The following NEGR1 variants were observed in gnomAD, a reference collection of about 807,000 sequenced individuals.
NEGR1 encodes the protein IgLON family member 4.
In NEGR1, 10 loss-of-function variants were observed where a neutral mutation model predicts 40.9. The ratio of observed to expected loss-of-function variants is 0.24; its 90% CI spans 0.15 to 0.42. The LOEUF (loss-of-function observed/expected upper bound fraction) is 0.42. Ranked by LOEUF, NEGR1 falls within the 10% of genes least tolerant of loss-of-function variation. The pLI, the probability that NEGR1 is intolerant of heterozygous loss-of-function variation, is 1.00. For synonymous variants in NEGR1, 185 were observed against 166.8 expected (o/e 1.11, Z -0.84); for missense variants, 352 against 438.9 (o/e 0.80, Z 1.77).
chr1:71,459,504 C>T (rs1160721527), intron 6 of NEGR1, among the ~76,000 whole-genome samples: 1 of 152,178 alleles, frequency 6.6e-6, no homozygotes, highest in East Asian at 1.9e-4. Context: ...TGATCTAGTC[C>T]TAACTTATTC....
chr1:71,995,377 A>G (rs1295980168), intron 1 of NEGR1, among the ~76,000 whole-genome samples: 3 of 152,308 alleles, frequency 2.0e-5, no homozygotes, highest in South Asian at 2.1e-4. Context: ...TGATTATACC[A>G]TGAATAACAT....
At chr1:72,013,202 A>G (rs61767482) in intron 1 of NEGR1, among the ~76,000 whole-genome samples, 27,867 of 151,946 alleles carry the variant, frequency 0.18, 3,066 homozygotes, top group East Asian at 0.44. Context: ...TGGAATTTGA[A>G]TGAGCCCCAG....
chr1:72,047,182 T>C (rs906706739), intron 1 of NEGR1, among the ~76,000 whole-genome samples: 9 of 151,306 alleles, frequency 5.9e-5, no homozygotes, highest in African/African-American at 1.9e-4. Context: ...CTTTTAAATA[T>C]CTGCTCATCC....
rs921242044 is a variant in NEGR1, at chr1:72,196,523, A to T, written c.176+85796T>A. Among the ~76,000 whole-genome samples the T allele has an allele frequency of 1.2e-4, 19 of 152,258 alleles. No individual in the cohort carries two copies. The East Asian group carries it at 3.7e-3, about 29-fold the overall frequency. On this transcript the variant is annotated intron_variant, in intron 1 of 6. Coordinates refer to ENST00000357731, the MANE Select transcript of NEGR1 (RefSeq NM_173808.3). ...AGTGGCCCATGCCTATAATCCCAGC[A>T]CTTTGGGAGTCCGAGGCAGGCAGAT...
intron 6 of NEGR1, among the ~76,000 whole-genome samples, chr1:71,419,940 A>G (rs915822931): frequency 3.0e-4 from 45 of 152,096 alleles, no homozygotes; most frequent in African/African-American, 1.0e-3. Flanking sequence ...AAACATGCAC[A>G]GTGATGCCAG....
Position 71,917,153 on chromosome 1 carries a change from G to A in NEGR1, c.409+17926C>T, listed in dbSNP as rs560705587. 2.6e-5 allele frequency among the ~76,000 whole-genome samples: 4 copies of A among 152,300 alleles called. No individual in the cohort carries two copies. The East Asian group carries it at 5.8e-4, about 22-fold the overall frequency. Reference sequence around the variant, plus strand: ...GCCAATGGCTACTCATAAATGTCACGCTATAGTGATGCTTTGGAATGTTAA... The same window carrying A: ...GCCAATGGCTACTCATAAATGTCACACTATAGTGATGCTTTGGAATGTTAA... On this transcript the variant is annotated intron_variant, in intron 2 of 6. Transcript: ENST00000357731.
chr1:71,724,879 C>G (rs1247816376), intron 3 of NEGR1, among the ~76,000 whole-genome samples: 5 of 152,042 alleles, frequency 3.3e-5, no homozygotes, highest in African/African-American at 4.8e-5. Flanking sequence ...CTTGCTCCCT[C>G]TGGAGTCAGC....
intron 6 of NEGR1, among the ~76,000 whole-genome samples, chr1:71,517,685 C>T (rs1463902254): frequency 6.7e-5 from 9 of 133,894 alleles, no homozygotes; most frequent in East Asian, 2.2e-4. Context: ...GATGCCCTCT[C>T]TCACCGCTCC....
rs567835775 is a variant in NEGR1, at chr1:71,652,195, G to T, written c.668-41049C>A. ...ACAGCAATGTCTATTTCTGCCAATT[G>T]CTTGAGAAATACTTCTTTAAAAAGC... On this transcript the variant is annotated intron_variant, in intron 4 of 6. Coordinates refer to ENST00000357731, the MANE Select transcript of NEGR1 (RefSeq NM_173808.3). Among the ~76,000 whole-genome samples the T allele has an allele frequency of 2.4e-4, 37 of 152,216 alleles. No homozygotes were observed. The South Asian group carries it at 6.6e-3, about 27-fold the overall frequency.
intron 6 of NEGR1, among the ~76,000 whole-genome samples, chr1:71,587,701 T>C (rs1557577485): frequency 8.6e-5 from 13 of 151,660 alleles, no homozygotes. Context: ...GATATCCCTA[T>C]AGCATCATTA....
intron 6 of NEGR1, among the ~76,000 whole-genome samples, chr1:71,491,098 C>G (rs550347706): frequency 6.6e-6 from 1 of 151,884 alleles, no homozygotes; most frequent in Non-Finnish European, 1.5e-5. Flanking sequence ...GAATTAACCA[C>G]CTACAGATCA....
At chr1:71,840,011 T>C (rs1448736816) in intron 2 of NEGR1, among the ~76,000 whole-genome samples, 7 of 152,140 alleles carry the variant, frequency 4.6e-5, no homozygotes, top group African/African-American at 1.4e-4. Context: ...GTAAAATAGA[T>C]ACCAAACAAT....
At chr1:72,243,874 A>G (rs1264536458) in intron 1 of NEGR1, among the ~76,000 whole-genome samples, 6 of 151,826 alleles carry the variant, frequency 4.0e-5, no homozygotes, top group Admixed American at 3.3e-4. Flanking sequence ...GTTTTGATAC[A>G]TAGCAATCTG....
chr1:72,013,529 C>T (rs564887100), intron 1 of NEGR1, among the ~76,000 whole-genome samples: 13 of 152,078 alleles, frequency 8.5e-5, no homozygotes, highest in Admixed American at 3.3e-4. Context: ...TCTTTTATTA[C>T]AAACATACAC....
At chr1:71,869,555 T>A (rs1660217089) in intron 2 of NEGR1, among the ~76,000 whole-genome samples, 1 of 152,148 alleles carries the variant, frequency 6.6e-6, no homozygotes, top group African/African-American at 2.4e-5. Context: ...GATTGCTAGA[T>A]AAGGTTAACA....
At chr1:72,102,693 T>C (rs1010399680) in intron 1 of NEGR1, among the ~76,000 whole-genome samples, 6 of 152,156 alleles carry the variant, frequency 3.9e-5, no homozygotes, top group South Asian at 2.1e-4. Context: ...TAAAATATTA[T>C]GTGCATGTAC....
intron 6 of NEGR1, among the ~76,000 whole-genome samples, chr1:71,485,975 C>T (rs2101378009): frequency 6.6e-6 from 1 of 151,654 alleles, no homozygotes; most frequent in Admixed American, 6.6e-5. Context: ...ATTTCTGGAT[C>T]ATATGTTTAG....
At chr1:72,217,554 T>C (rs1653863771) in intron 1 of NEGR1, among the ~76,000 whole-genome samples, 2 of 151,840 alleles carry the variant, frequency 1.3e-5, no homozygotes, top group Non-Finnish European at 2.9e-5. Context: ...AATAACTGTA[T>C]TAGATATTAA....
intron 6 of NEGR1, among the ~76,000 whole-genome samples, chr1:71,451,270 A>G (rs1646625831): frequency 6.6e-6 from 1 of 151,922 alleles, no homozygotes; most frequent in African/African-American, 2.4e-5. Flanking sequence ...AGCTAATTCT[A>G]CAGTGAAAAA....
Sources: allele counts gnomAD v4.1 joint callset (sites outside exome capture counted in the v4.1 genomes callset), GRCh38; gene constraint gnomAD v4.1.1; transcripts MANE v1.5; gene names NCBI Gene and HGNC (gene_info 2026-07-23, HGNC 2026-07-21).